Variants in FUT8 observed in about 807,000 individuals in gnomAD.
The protein encoded by FUT8 is fucosyltransferase 8.
A neutral mutation model predicts 71.3 loss-of-function variants in FUT8; 29 were observed. The observed-to-expected ratio is 0.41, with a 90% CI of 0.30 to 0.55. The LOEUF is 0.55. FUT8 is among the 20% of genes least tolerant of loss of function. The pLI is 0.34. For synonymous variants in FUT8, 254 were observed against 239.3 expected, an observed-to-expected ratio of 1.06 and a Z score of -0.57; for missense variants, 544 against 702.1, an observed-to-expected ratio of 0.77 and a Z score of 2.55.
chr14:65,464,421 T>C (rs1265573836), intron 2 of FUT8, among the ~76,000 whole-genome samples: 1 of 152,178 alleles, frequency 6.6e-6, no homozygotes, highest in Non-Finnish European at 1.5e-5. Flanking sequence ...AGAAGGGAAG[T>C]CCTTGCCTTG....
At chr14:65,503,948 A>G (rs965779071) in intron 2 of FUT8, among the ~76,000 whole-genome samples, 1 of 152,264 alleles carries the variant, frequency 6.6e-6, no homozygotes, top group African/African-American at 2.4e-5. Flanking sequence ...TTGAATATTT[A>G]TAGAAGATAA....
chr14:65,537,570 G>A (rs1203418929), intron 2 of FUT8, among the ~76,000 whole-genome samples: 4 of 151,966 alleles, frequency 2.6e-5, no homozygotes, highest in Non-Finnish European at 5.9e-5. Context: ...TGTATTTTTA[G>A]TAGAGACTGG....
intron 2 of FUT8, among the ~76,000 whole-genome samples, chr14:65,559,193 GTTGT>G (rs1566821889): frequency 6.6e-6 from 1 of 151,802 alleles, no homozygotes; most frequent in Admixed American, 6.6e-5. Context: ...CTTTGCTTTG[GTTGT>G]TTATCTCAGT....
intron 2 of FUT8, among the ~76,000 whole-genome samples, chr14:65,547,419 A>G (rs932965792): frequency 1.3e-5 from 2 of 151,702 alleles, no homozygotes; most frequent in African/African-American, 4.8e-5. Context: ...TGTAAACCCC[A>G]TAATACTTTG....
chr14:65,614,316 T>A (rs1366525848), intron 3 of FUT8, among the ~76,000 whole-genome samples: 1 of 152,238 alleles, frequency 6.6e-6, no homozygotes, highest in African/African-American at 2.4e-5. Context: ...TAAGTACTTT[T>A]ACAGACATTT....
chr14:65,357,857 G>C, the FUT8 span, among the ~76,000 whole-genome samples: 21 of 152,346 alleles, frequency 1.4e-4, no homozygotes, highest in Middle Eastern at 3.4e-3. Flanking sequence ...GGTTTGACTA[G>C]AGAAGGCATA....
intron 8 of FUT8, 110 bp downstream of exon 8, chr14:65,722,131 C>A: frequency 7.5e-7 from 1 of 1,341,730 alleles, no homozygotes; most frequent in Non-Finnish European, 1.0e-6. Flanking sequence ...TATAGTCCCA[C>A]CAAAGGACAG....
Position 65,624,296 on chromosome 14 carries a change from T to A in FUT8, c.483-5196T>A, listed in dbSNP as rs1023955754. 2.0e-5 allele frequency among the ~76,000 whole-genome samples: 3 copies of A among 152,210 alleles called. No individual in the cohort carries two copies. The East Asian group carries it at 5.8e-4, about 29-fold the overall frequency. On this transcript the variant is annotated intron_variant, in intron 5 of 10. Transcript: ENST00000673929. ...ACATTAGTGTACTCTTTTTTTTTTT[T>A]TTTATTTGATGTTTGGTCTTCTAGT...
rs12436771 is a variant in FUT8, at chr14:65,741,857, T to C, written c.1411-236T>C. On this transcript the variant is annotated intron_variant, in intron 10 of 10. Transcript: ENST00000673929. ...TGTACTATATAGAGATAGAGAGATT[T>C]TAATTGTAATAATCTTTCGTGAGTT... 5.7e-3 allele frequency among the ~76,000 whole-genome samples: 866 copies of C among 152,100 alleles called. 29 individuals are homozygous for C. In the East Asian group the frequency reaches 0.092, roughly 16 times the overall value.
At position 65,527,063 on chromosome 14, in the gene FUT8, G is replaced by A. The variant is rs569306783; in HGVS notation, c.-227-34274G>A. On this transcript the variant is annotated intron_variant, in intron 2 of 10. Coordinates refer to ENST00000673929, the MANE Select transcript of FUT8 (RefSeq NM_001371533.1). ...GTCTTGGAGTTGCTCTTCTCAAGGAGTATCTTTGTGGCGTTCTCTGTATTT... is the reference window on the plus strand; with the variant it reads ...GTCTTGGAGTTGCTCTTCTCAAGGAATATCTTTGTGGCGTTCTCTGTATTT... Among the ~76,000 whole-genome samples, 169 of 152,268 alleles carry A rather than the reference G, an allele frequency of 1.1e-3. 1 individual carries two copies. In the East Asian group the frequency reaches 0.026, roughly 23 times the overall value.
At chr14:65,430,777 A>G (rs534910734) in intron 1 of FUT8, among the ~76,000 whole-genome samples, 2 of 152,312 alleles carry the variant, frequency 1.3e-5, no homozygotes, top group African/African-American at 2.4e-5. Flanking sequence ...TACAATGGAA[A>G]AGTAGACGTA....
chr14:65,539,509 C>T (rs1417102963), intron 2 of FUT8, among the ~76,000 whole-genome samples: 2 of 152,168 alleles, frequency 1.3e-5, no homozygotes, highest in Admixed American at 6.5e-5. Flanking sequence ...GATTTGAATC[C>T]TGGCTCTACT....
intron 2 of FUT8, among the ~76,000 whole-genome samples, chr14:65,494,293 C>G (rs1002310867): frequency 7.9e-5 from 12 of 152,064 alleles, no homozygotes; most frequent in Non-Finnish European, 1.8e-4. Flanking sequence ...CATATTAAGT[C>G]TTTGAAATCC....
intron 6 of FUT8, among the ~76,000 whole-genome samples, chr14:65,647,816 G>A (rs1335043123): frequency 1.3e-5 from 2 of 152,028 alleles, no homozygotes; most frequent in Non-Finnish European, 2.9e-5. Flanking sequence ...AGAAAGTAAT[G>A]TGGACATTGG....
chr14:65,365,657 C>G, the FUT8 span, among the ~76,000 whole-genome samples: 47 of 152,234 alleles, frequency 3.1e-4, no homozygotes, highest in African/African-American at 9.6e-4. Flanking sequence ...CCACCAGCGC[C>G]ATGACAGTTT....
At chr14:65,376,239 A>G in the FUT8 span, among the ~76,000 whole-genome samples, 2 of 152,238 alleles carry the variant, frequency 1.3e-5, no homozygotes, top group Non-Finnish European at 2.9e-5. Flanking sequence ...CAAATATTAC[A>G]GGGCAGTGAG....
chr14:65,598,157 C>A (rs1218371848), intron 3 of FUT8, among the ~76,000 whole-genome samples: 1 of 152,140 alleles, frequency 6.6e-6, no homozygotes, highest in East Asian at 1.9e-4. Flanking sequence ...CGGAAAGAGA[C>A]CCTGTCTCAA....
chr14:65,382,758 A>G, the FUT8 span, among the ~76,000 whole-genome samples: 1 of 152,184 alleles, frequency 6.6e-6, no homozygotes, highest in Non-Finnish European at 1.5e-5. Context: ...CCACAGCTCT[A>G]GAATAGCTGC....
chr14:65,502,230 TA>T (rs1183090271), intron 2 of FUT8, among the ~76,000 whole-genome samples: 5 of 150,760 alleles, frequency 3.3e-5, no homozygotes, highest in African/African-American at 1.2e-4. Context: ...TATTTATTGT[TA>T]TTTTTTTTTT....
Sources: allele counts gnomAD v4.1 joint callset (sites outside exome capture counted in the v4.1 genomes callset), GRCh38; gene constraint gnomAD v4.1.1; transcripts MANE v1.5; gene names NCBI Gene and HGNC (gene_info 2026-07-23, HGNC 2026-07-21).